The following STK32A variants were observed in gnomAD, a reference collection of about 807,000 sequenced individuals.
The protein encoded by STK32A is serine/threonine kinase 32A.
In STK32A, 41 loss-of-function variants were observed where a neutral mutation model predicts 53.2. That is an observed-to-expected ratio of 0.77 (90% CI 0.60 to 1.00). STK32A has a LOEUF of 1.00. Among genes scored for constraint, STK32A ranks in the 50% least tolerant of loss-of-function variants. The probability of loss-of-function intolerance (pLI) is 0.00; values close to 1 mark genes in which losing one functional copy is unlikely to be tolerated. For synonymous variants in STK32A, 166 were observed against 162.8 expected, an observed-to-expected ratio of 1.02 and a Z score of -0.15; for missense variants, 458 against 485.8, an observed-to-expected ratio of 0.94 and a Z score of 0.54.
At chr5:147,315,818 C>G (rs1753965743) in intron 4 of STK32A, among the ~76,000 whole-genome samples, 1 of 152,124 alleles carries the variant, frequency 6.6e-6, no homozygotes. Context: ...AACAGCACGA[C>G]TTTTCTCAGT....
At chr5:147,367,565 G>A (rs1356582598) in intron 8 of STK32A, among the ~76,000 whole-genome samples, 2 of 152,078 alleles carry the variant, frequency 1.3e-5, no homozygotes. Flanking sequence ...AAGGAAAAAG[G>A]GGGGTTGTTC....
the STK32A span, chr5:147,400,937 G>C: frequency 4.9e-6 from 7 of 1,440,296 alleles, no homozygotes; most frequent in Non-Finnish European, 6.4e-6. Context: ...CTGACTATTT[G>C]GGTTTGGAAT....
intron 9 of STK32A, among the ~76,000 whole-genome samples, chr5:147,371,094 C>T (rs1465042274): frequency 6.6e-6 from 1 of 152,092 alleles, no homozygotes; most frequent in Non-Finnish European, 1.5e-5. Flanking sequence ...TTGTCATCTG[C>T]GTATTCAATT....
chr5:147,397,598 G>T, the STK32A span: 2 of 1,519,040 alleles, frequency 1.3e-6, no homozygotes, highest in Non-Finnish European at 9.0e-7. Flanking sequence ...TGTGTTCATG[G>T]TTACTATCTC....
At chr5:147,251,647 G>A (rs1754004181) in intron 2 of STK32A, among the ~76,000 whole-genome samples, 1 of 152,172 alleles carries the variant, frequency 6.6e-6, no homozygotes, top group East Asian at 1.9e-4. Flanking sequence ...CACCCATTAT[G>A]TGCCTAACTC....
intron 4 of STK32A, among the ~76,000 whole-genome samples, chr5:147,297,019 A>C (rs1752899280): frequency 6.6e-6 from 1 of 152,170 alleles, no homozygotes; most frequent in South Asian, 2.1e-4. Flanking sequence ...ATCTTTTATA[A>C]ATATTTTGTT....
chr5:147,400,562 G>C, the STK32A span: 1 of 1,275,482 alleles, frequency 7.8e-7, no homozygotes, highest in South Asian at 1.6e-5. Flanking sequence ...CATGGTTCCA[G>C]AGACATCTCA....
chr5:147,401,810 G>T, the STK32A span: 1 of 1,308,004 alleles, frequency 7.6e-7, no homozygotes, highest in Non-Finnish European at 1.0e-6. Flanking sequence ...GAGTCAGACT[G>T]ACCTGGGTTC....
At chr5:147,301,812 G>A (rs901399988) in intron 4 of STK32A, among the ~76,000 whole-genome samples, 1 of 152,146 alleles carries the variant, frequency 6.6e-6, no homozygotes, top group African/African-American at 2.4e-5. Flanking sequence ...CACCAGGGCT[G>A]TGTTTCTTCC....
intron 6 of STK32A, among the ~76,000 whole-genome samples, chr5:147,347,974 T>C (rs1160177164): frequency 6.6e-6 from 1 of 152,182 alleles, no homozygotes; most frequent in Non-Finnish European, 1.5e-5. Context: ...TAAATAGGCA[T>C]CCTGGAAGTG....
At chr5:147,260,278 G>GTC (rs990345249) in intron 2 of STK32A, among the ~76,000 whole-genome samples, 5 of 87,562 alleles carry the variant, frequency 5.7e-5, no homozygotes, top group South Asian at 3.6e-4. Context: ...TCCCCTCTCT[G>GTC]TCTCTCTCTC....
intron 5 of STK32A, among the ~76,000 whole-genome samples, chr5:147,342,025 A>G (rs1343725157): frequency 6.6e-6 from 1 of 152,096 alleles, no homozygotes; most frequent in African/African-American, 2.4e-5. Flanking sequence ...AAAAAATCGC[A>G]TTGTACTTTA....
intron 4 of STK32A, among the ~76,000 whole-genome samples, chr5:147,303,573 G>A (rs937617116): frequency 2.6e-5 from 4 of 152,124 alleles, no homozygotes; most frequent in Admixed American, 6.6e-5. Flanking sequence ...TGAGTGGCAC[G>A]GCAAAGTCAA....
intron 5 of STK32A, among the ~76,000 whole-genome samples, chr5:147,324,506 G>A (rs561495547): frequency 1.9e-4 from 29 of 152,280 alleles, no homozygotes; most frequent in South Asian, 6.2e-4. Flanking sequence ...AATCCCTAAT[G>A]TATGTACTGC....
At chr5:147,340,790 T>C (rs537972857) in intron 5 of STK32A, among the ~76,000 whole-genome samples, 1 of 152,338 alleles carries the variant, frequency 6.6e-6, no homozygotes, top group East Asian at 1.9e-4. Context: ...CATGGTTCTT[T>C]ACGAAGCTTT....
chr5:147,366,248 G>GT (rs1756737037), intron 8 of STK32A, among the ~76,000 whole-genome samples: 1 of 152,100 alleles, frequency 6.6e-6, no homozygotes, highest in Non-Finnish European at 1.5e-5. Context: ...CATCTCTTGG[G>GT]TTTTTTAACC....
At chr5:147,355,499 C>T (rs1331154751) in intron 7 of STK32A, among the ~76,000 whole-genome samples, 1 of 130,158 alleles carries the variant, frequency 7.7e-6, no homozygotes, top group African/African-American at 3.2e-5. Context: ...CGGTGAAACC[C>T]CGTCTCTACT....
intron 4 of STK32A, among the ~76,000 whole-genome samples, chr5:147,307,232 G>T (rs945759053): frequency 2.7e-5 from 4 of 148,300 alleles, no homozygotes; most frequent in Admixed American, 6.7e-5. Flanking sequence ...TGCAATAATG[G>T]TTTTTTTTTT....
At chr5:147,365,522 A>T (rs1447560703) in intron 8 of STK32A, among the ~76,000 whole-genome samples, 1 of 152,094 alleles carries the variant, frequency 6.6e-6, no homozygotes, top group Non-Finnish European at 1.5e-5. Flanking sequence ...AAATAAATCC[A>T]GTGAACAAGT....
Sources: allele counts gnomAD v4.1 joint callset (sites outside exome capture counted in the v4.1 genomes callset), GRCh38; gene constraint gnomAD v4.1.1; transcripts MANE v1.5; gene names NCBI Gene and HGNC (gene_info 2026-07-23, HGNC 2026-07-21).